FAM193A: variants seen among roughly 807,000 people sequenced by gnomAD.
FAM193A encodes the protein protein FAM193A.
A neutral mutation model predicts 126.5 loss-of-function variants in FAM193A; 22 were observed. The observed-to-expected ratio is 0.17, with a 90% CI of 0.12 to 0.25. The LOEUF (loss-of-function observed/expected upper bound fraction) is 0.25, where lower values mean the gene tolerates loss of function less well. FAM193A is among the 10% of genes least tolerant of loss of function. FAM193A has a pLI of 1.00. For missense variants in FAM193A, 1,675 were observed against 1,672.8 expected (o/e 1.00, Z -0.02); for synonymous variants, 761 against 646.8 (o/e 1.18, Z -2.68).
At chr4:2,579,521 G>T (rs1328069278) in intron 1 of FAM193A, among the ~76,000 whole-genome samples, 1 of 151,964 alleles carries the variant, frequency 6.6e-6, no homozygotes, top group East Asian at 1.9e-4. Flanking sequence ...AACATAACAA[G>T]GTCCTTTCTC....
chr4:2,603,605 T>C lies in FAM193A; in HGVS notation c.501+7276T>C, dbSNP rs546740411. On this transcript the variant is annotated intron_variant, in intron 2 of 20. Transcript: ENST00000637812. The stretch of plus-strand genomic sequence containing the variant: ...CCAAGTAGCTGGGACTACGGGTGCA[T>C]GCCACCACGCCTGACTAATTTTTTT... Among the ~76,000 whole-genome samples the C allele has an allele frequency of 2.5e-3, 374 of 150,918 alleles. 1 individual carries two copies. The highest frequency in any genetic ancestry group is 6.2e-3 in the Admixed American group (94 of 15,114).
intron 2 of FAM193A, among the ~76,000 whole-genome samples, chr4:2,599,739 GT>G (rs34438355): frequency 0.21 from 30,728 of 143,750 alleles, 3,097 homozygotes; most frequent in East Asian, 0.32. Context: ...TCTTGCCATA[GT>G]TTTTTTTTTT....
chr4:2,728,211 C>T (rs1720972043), intron 20 of FAM193A, among the ~76,000 whole-genome samples: 1 of 148,236 alleles, frequency 6.7e-6, no homozygotes, highest in South Asian at 2.1e-4. Flanking sequence ...GCTGGGATTA[C>T]AGGCGTGAGC....
At chr4:2,728,232 G>A (rs1430914485) in intron 20 of FAM193A, among the ~76,000 whole-genome samples, 1 of 141,632 alleles carries the variant, frequency 7.1e-6, no homozygotes, top group Non-Finnish European at 1.5e-5. Flanking sequence ...TGCCACACCC[G>A]GCCCAATTTT....
chr4:2,591,471 A>G (rs900760082), intron 1 of FAM193A, among the ~76,000 whole-genome samples: 1 of 152,158 alleles, frequency 6.6e-6, no homozygotes, highest in African/African-American at 2.4e-5. Flanking sequence ...TGGGGAGCAG[A>G]CAGCCCTGAA....
At chr4:2,585,511 G>T (rs1740183924) in intron 1 of FAM193A, among the ~76,000 whole-genome samples, 1 of 152,172 alleles carries the variant, frequency 6.6e-6, no homozygotes, top group Non-Finnish European at 1.5e-5. Flanking sequence ...CTGTTGTGAA[G>T]AACCCGTTCA....
At chr4:2,568,366 T>C (rs1426307217) in intron 1 of FAM193A, among the ~76,000 whole-genome samples, 2 of 152,140 alleles carry the variant, frequency 1.3e-5, no homozygotes, top group East Asian at 3.9e-4. Context: ...AAAATGTTAA[T>C]GTCAGTGGCT....
intron 7 of FAM193A, among the ~76,000 whole-genome samples, chr4:2,647,334 C>T (rs554080232): frequency 1.3e-4 from 20 of 151,928 alleles, no homozygotes; most frequent in Admixed American, 1.3e-3. Flanking sequence ...TTAGTAGAGA[C>T]AGGGTTTCTC....
intron 1 of FAM193A, among the ~76,000 whole-genome samples, chr4:2,575,229 G>T (rs1455943884): frequency 1.3e-5 from 2 of 152,134 alleles, no homozygotes; most frequent in African/African-American, 4.8e-5. Context: ...GTGACGAGAC[G>T]GTGGAAGAGA....
intron 1 of FAM193A, among the ~76,000 whole-genome samples, chr4:2,579,393 A>G (rs981962154): frequency 6.6e-6 from 1 of 151,928 alleles, no homozygotes; most frequent in African/African-American, 2.4e-5. Flanking sequence ...TAGCAGTTAC[A>G]AAGTGCAATT....
intron 5 of FAM193A, among the ~76,000 whole-genome samples, chr4:2,631,756 G>T (rs998530591): frequency 6.6e-6 from 1 of 152,130 alleles, no homozygotes; most frequent in Non-Finnish European, 1.5e-5. Flanking sequence ...CACACAGATG[G>T]GTCCGGTTGC....
Position 2,627,897 on chromosome 4 carries a change from C to T in FAM193A, c.803+1320C>T, listed in dbSNP as rs1190617988. On this transcript the variant is annotated intron_variant, in intron 4 of 20. Transcript: ENST00000637812. ...AGCTGGGACTACAGGCACCCACTAC[C>T]ACGCCCAGCTAATTTTTTGTATTTT... 2.6e-5 allele frequency among the ~76,000 whole-genome samples: 4 copies of T among 152,208 alleles called. No individual in the cohort carries two copies. In the East Asian group the frequency reaches 7.7e-4, roughly 29 times the overall value.
intron 1 of FAM193A, among the ~76,000 whole-genome samples, chr4:2,581,530 A>AG (rs1342919016): frequency 2.6e-5 from 4 of 152,166 alleles, no homozygotes; most frequent in Admixed American, 6.5e-5. Flanking sequence ...CTGAGATTAC[A>AG]GGCGTGAGCC....
intron 1 of FAM193A, 133 bp from the exon 2 acceptor site, chr4:2,595,951 A>C (rs1458040788): frequency 3.4e-6 from 2 of 584,796 alleles, no homozygotes; most frequent in African/African-American, 3.7e-5. Flanking sequence ...AGTTTTATTC[A>C]ATACATTTCC....
At chr4:2,640,247 G>A (rs905973860) in intron 6 of FAM193A, among the ~76,000 whole-genome samples, 3 of 152,276 alleles carry the variant, frequency 2.0e-5, no homozygotes, top group African/African-American at 4.8e-5. Flanking sequence ...AAGGCCCTCC[G>A]GATACAGCTT....
rs1167365011 is a variant in FAM193A, at chr4:2,660,026, C to T, written c.1717C>T (p.Leu573Phe). ...ITIQQHPRLI[L>F]TDSGSAPTFC... is the part of the protein sequence containing the mutation. ...AATTCAGCAGCACCCCAGGCTCATC[C>T]TCACAGACAGTGGCTCGGCACCAAC... The change falls in exon 10 of 21, where the codon CTC becomes TTC. Residue 573 changes from leucine to phenylalanine, a missense_variant. Leu to Phe is a conservative substitution (Grantham distance 22). Around this residue, in one of 4 missense-constraint regions of FAM193A, gnomAD observed 1,186 missense variants for 1,109.2 expected, o/e 1.07. Transcript: ENST00000637812. 6.2e-7 allele frequency: 1 copy of T among 1,614,098 alleles called. No homozygotes were observed. Among genetic ancestry groups the T allele is most frequent in the Admixed American group, 1.7e-5 (1 of 60,014 alleles).
At chr4:2,620,627 C>T (rs938863500) in intron 2 of FAM193A, among the ~76,000 whole-genome samples, 1 of 151,930 alleles carries the variant, frequency 6.6e-6, no homozygotes, top group Non-Finnish European at 1.5e-5. Flanking sequence ...CAGGCGGGAT[C>T]GCCTGAGGTC....
intron 12 of FAM193A, among the ~76,000 whole-genome samples, chr4:2,664,818 C>T (rs981385462): frequency 1.3e-5 from 2 of 152,062 alleles, no homozygotes; most frequent in Non-Finnish European, 2.9e-5. Context: ...CCGTGTTGGC[C>T]TCCCAAAGTC....
At chr4:2,576,214 C>T (rs1378617248) in intron 1 of FAM193A, among the ~76,000 whole-genome samples, 1 of 152,154 alleles carries the variant, frequency 6.6e-6, no homozygotes, top group African/African-American at 2.4e-5. Context: ...TTCCTTGCCT[C>T]AGCCTCCCAA....
Sources: gnomAD v4.1 joint callset for allele counts (sites outside exome capture counted in the v4.1 genomes callset) on GRCh38, gnomAD v4.1.1 for gene constraint, gnomAD v4.1.1 regional missense constraint, MANE v1.5 for transcripts, NCBI Gene and HGNC (gene_info 2026-07-23, HGNC 2026-07-21) for gene names.